The following CAMTA1 variants were observed in gnomAD, a reference collection of about 807,000 sequenced individuals.
CAMTA1 encodes the protein calmodulin binding transcription activator 1.
Under a neutral mutation model 170.9 loss-of-function variants are expected in CAMTA1, and 27 were observed. The ratio of observed to expected loss-of-function variants is 0.16; its 90% CI spans 0.12 to 0.22. CAMTA1 has a LOEUF of 0.22. Among genes scored for constraint, CAMTA1 ranks in the 10% least tolerant of loss-of-function variants. The probability of loss-of-function intolerance (pLI) is 1.00; values close to 1 mark genes in which losing one functional copy is unlikely to be tolerated. For missense variants in CAMTA1, 1,619 were observed against 2,217.2 expected, an observed-to-expected ratio of 0.73 and a Z score of 5.42; for synonymous variants, 833 against 891.5, an observed-to-expected ratio of 0.93 and a Z score of 1.17.
chr1:6,903,628 C>G (rs1415607322), intron 3 of CAMTA1, among the ~76,000 whole-genome samples: 1 of 152,202 alleles, frequency 6.6e-6, no homozygotes, highest in Non-Finnish European at 1.5e-5. Context: ...ATCCAAGGAA[C>G]AGGTGAGTAA....
intron 3 of CAMTA1, among the ~76,000 whole-genome samples, chr1:7,020,910 C>T (rs1258707718): frequency 6.6e-6 from 1 of 152,242 alleles, no homozygotes; most frequent in East Asian, 1.9e-4. Flanking sequence ...ACTGGGCCAC[C>T]AGGCAGCCCT....
intron 5 of CAMTA1, among the ~76,000 whole-genome samples, chr1:7,290,182 C>A (rs1005233800): frequency 6.6e-5 from 10 of 152,214 alleles, no homozygotes; most frequent in Admixed American, 2.6e-4. Context: ...GAATGATTAT[C>A]AAGTCCATCG....
chr1:7,257,944 G>A (rs1349360499), intron 5 of CAMTA1, among the ~76,000 whole-genome samples: 1 of 152,194 alleles, frequency 6.6e-6, no homozygotes, highest in Non-Finnish European at 1.5e-5. Flanking sequence ...GACCATAAAA[G>A]GCAGGAAGGA....
intron 7 of CAMTA1, among the ~76,000 whole-genome samples, chr1:7,649,326 C>T (rs1258772050): frequency 2.6e-5 from 4 of 152,206 alleles, no homozygotes; most frequent in Non-Finnish European, 2.9e-5. Flanking sequence ...CCTGCATCTG[C>T]GGGGCCTGGG....
intron 5 of CAMTA1, among the ~76,000 whole-genome samples, chr1:7,253,557 G>C (rs1311845155): frequency 6.6e-6 from 1 of 152,172 alleles, no homozygotes; most frequent in African/African-American, 2.4e-5. Flanking sequence ...ACAGTCATGG[G>C]CTTACACATT....
chr1:7,703,583 G>T (rs1043300210), intron 11 of CAMTA1, among the ~76,000 whole-genome samples: 1 of 152,174 alleles, frequency 6.6e-6, no homozygotes, highest in Non-Finnish European at 1.5e-5. Flanking sequence ...TTCTGTGTGC[G>T]TTTGGGTAGG....
At chr1:7,083,958 T>G (rs1159567521) in intron 3 of CAMTA1, among the ~76,000 whole-genome samples, 1 of 150,840 alleles carries the variant, frequency 6.6e-6, no homozygotes, top group Non-Finnish European at 1.5e-5. Context: ...AGGGGAGCCT[T>G]GGCTTTTTTT....
At chr1:7,750,164 A>G (rs1483342317) in intron 19 of CAMTA1, among the ~76,000 whole-genome samples, 1 of 152,232 alleles carries the variant, frequency 6.6e-6, no homozygotes, top group African/African-American at 2.4e-5. Flanking sequence ...AGTCTGCAGC[A>G]TTCTTGTCTT....
At chr1:7,272,723 A>T (rs1374612647) in intron 5 of CAMTA1, among the ~76,000 whole-genome samples, 1 of 149,318 alleles carries the variant, frequency 6.7e-6, no homozygotes, top group Non-Finnish European at 1.5e-5. Flanking sequence ...AAAAGAAAAG[A>T]AAAGAAAAGA....
Position 7,435,278 on chromosome 1 carries a change from G to A in CAMTA1, c.439-32552G>A, listed in dbSNP as rs1218165146. Among the ~76,000 whole-genome samples, 1 of 152,158 alleles carries A rather than the reference G, an allele frequency of 6.6e-6. No individual in the cohort carries two copies. The highest frequency in any genetic ancestry group is 1.5e-5 in the Non-Finnish European group (1 of 68,024). On this transcript the variant is annotated intron_variant, in intron 5 of 22. Coordinates refer to ENST00000303635, the MANE Select transcript of CAMTA1 (RefSeq NM_015215.4). The surrounding 1 kb of genome is among the most constrained non-coding windows in gnomAD (Gnocchi z 4.4). Reference sequence around the variant, plus strand: ...CTAGACCTGCTGAGCTCACAGTCCAGTGGGGAGATCAGGCCCCAGGCTGCC... The same window carrying A: ...CTAGACCTGCTGAGCTCACAGTCCAATGGGGAGATCAGGCCCCAGGCTGCC...
chr1:7,033,883 C>T (rs562261363), intron 3 of CAMTA1, among the ~76,000 whole-genome samples: 19 of 152,026 alleles, frequency 1.2e-4, no homozygotes, highest in Non-Finnish European at 2.5e-4. Flanking sequence ...CATGAGCCAC[C>T]GTGCCCAGCC....
intron 22 of CAMTA1, among the ~76,000 whole-genome samples, chr1:7,762,607 G>T (rs1023489967): frequency 1.3e-5 from 2 of 152,218 alleles, no homozygotes; most frequent in Admixed American, 1.3e-4. Flanking sequence ...CTTCATTTAT[G>T]ATTTCACTAG....
chr1:7,073,527 G>C (rs762930188), intron 3 of CAMTA1, among the ~76,000 whole-genome samples: 2 of 152,108 alleles, frequency 1.3e-5, no homozygotes, highest in Non-Finnish European at 1.5e-5. Flanking sequence ...GAGGACAGGG[G>C]GATGAGGAAG....
chr1:7,695,213 C>T (rs2096362819), intron 11 of CAMTA1, among the ~76,000 whole-genome samples: 1 of 152,094 alleles, frequency 6.6e-6, no homozygotes, highest in Admixed American at 6.6e-5. Context: ...CCTGGAAGCC[C>T]CCAGCACTCT....
intron 5 of CAMTA1, among the ~76,000 whole-genome samples, chr1:7,285,327 A>T (rs1672200077): frequency 6.6e-6 from 1 of 152,192 alleles, no homozygotes; most frequent in Admixed American, 6.5e-5. Flanking sequence ...CTTTCCAGCC[A>T]AGTCTGGGAC....
rs1470352672 is a variant in CAMTA1, at chr1:7,064,540, A to G, written c.235-26764A>G. Among the ~76,000 whole-genome samples the G allele has an allele frequency of 6.6e-6, 1 of 151,902 alleles. No homozygotes were observed. Among genetic ancestry groups the G allele is most frequent in the East Asian group, 1.9e-4 (1 of 5,184 alleles). On this transcript the variant is annotated intron_variant, in intron 3 of 22. Transcript: ENST00000303635. The surrounding 1 kb of genome is among the most constrained non-coding windows in gnomAD (Gnocchi z 5.4). ...GGAGGAGGGTGATGGTTGGGGAGGG[A>G]GGGGGTAGTCCCTGAGGAGGCAGCA...
rs114075912 is a variant in CAMTA1 at position 7,635,917 on chromosome 1, C to T, written c.511-4483C>T. 1.7e-3 allele frequency among the ~76,000 whole-genome samples: 255 copies of T among 152,316 alleles called. 1 individual carries two copies. The highest frequency in any genetic ancestry group is 5.9e-3 in the African/African-American group (247 of 41,550). ...TGTGCCCCAAATTTCCAAAATACCT[C>T]CATCAGCCCATGTCTGAAAACCAGC... is the stretch of plus-strand genomic sequence containing the variant. On this transcript the variant is annotated intron_variant, in intron 6 of 22. Coordinates refer to ENST00000303635, the MANE Select transcript of CAMTA1 (RefSeq NM_015215.4). The surrounding 1 kb of genome is among the most constrained non-coding windows in gnomAD (Gnocchi z 4.4).
chr1:7,747,240 G>A (rs1179350920), intron 18 of CAMTA1, among the ~76,000 whole-genome samples: 1 of 152,164 alleles, frequency 6.6e-6, no homozygotes, highest in African/African-American at 2.4e-5. Context: ...ACTCCAGGCA[G>A]CCCCTGAACT....
rs1553247154 is a variant in CAMTA1, at chr1:7,680,872, A to AGCCCT, written c.2914+3141_2914+3142insCCTGC. On this transcript the variant is annotated intron_variant, in intron 11 of 22. Transcript: ENST00000303635. The surrounding 1 kb of genome is among the most constrained non-coding windows in gnomAD (Gnocchi z 4.4). ...CGCGCGCGCGCGCGCCAGCAGCAGC[A>AGCCCT]GCAGCAGCAGCTGCTGCGGCGAAGT... Among the ~76,000 whole-genome samples, 24 of 146,348 alleles carry AGCCCT rather than the reference A, an allele frequency of 1.6e-4. 2 individuals carry two copies. The South Asian group carries it at 5.3e-3, about 32-fold the overall frequency.
Sources: allele counts gnomAD v4.1 joint callset (sites outside exome capture counted in the v4.1 genomes callset), GRCh38; gene constraint gnomAD v4.1.1; non-coding constraint Gnocchi (gnomAD v3.1); transcripts MANE v1.5; gene names NCBI Gene and HGNC (gene_info 2026-07-23, HGNC 2026-07-21).